Variants in PIK3R3 observed in about 807,000 individuals in gnomAD.
PIK3R3 encodes phosphoinositide-3-kinase regulatory subunit 3, also known as phosphatidylinositol 3-kinase regulatory subunit gamma.
In PIK3R3, 64 loss-of-function variants were observed where a neutral mutation model predicts 62.9. The ratio of observed to expected loss-of-function variants is 1.02; its 90% CI spans 0.83 to 1.25. The LOEUF is 1.25. PIK3R3 is among the 50% of genes most tolerant of loss of function. The pLI is 0.00. For missense variants in PIK3R3, 614 were observed against 561.6 expected, an observed-to-expected ratio of 1.09 and a Z score of -0.94; for synonymous variants, 165 against 189.0, an observed-to-expected ratio of 0.87 and a Z score of 1.04.
the PIK3R3 span, among the ~76,000 whole-genome samples, chr1:46,162,151 C>G: frequency 2.6e-4 from 38 of 145,142 alleles, no homozygotes; most frequent in African/African-American, 9.4e-4. Flanking sequence ...AAATTAGAAA[C>G]AATTTATACG....
intron 1 of PIK3R3, among the ~76,000 whole-genome samples, chr1:46,083,871 C>G (rs761459716): frequency 6.6e-6 from 1 of 152,144 alleles, no homozygotes; most frequent in Non-Finnish European, 1.5e-5. Context: ...AACAGTCTAA[C>G]CTCCTCAAAA....
intron 1 of PIK3R3, among the ~76,000 whole-genome samples, chr1:46,103,976 G>C (rs902836297): frequency 1.1e-4 from 17 of 149,040 alleles, no homozygotes; most frequent in African/African-American, 4.2e-4. Context: ...CCCAAGCTGG[G>C]GTGAAGTGAC....
chr1:46,095,765 T>C (rs1298372215), intron 1 of PIK3R3, among the ~76,000 whole-genome samples: 1 of 152,238 alleles, frequency 6.6e-6, no homozygotes, highest in Non-Finnish European at 1.5e-5. Context: ...TGATTCTCCC[T>C]CTATATCTCT....
At chr1:46,161,262 A>ATTTAT in the PIK3R3 span, among the ~76,000 whole-genome samples, 1 of 139,786 alleles carries the variant, frequency 7.2e-6, no homozygotes, top group African/African-American at 2.7e-5. Context: ...TACCTAGCTA[A>ATTTAT]TTTTTTTTTT....
the PIK3R3 span, among the ~76,000 whole-genome samples, chr1:46,162,018 G>A: frequency 1.3e-5 from 2 of 151,866 alleles, no homozygotes; most frequent in Admixed American, 6.6e-5. Flanking sequence ...TGTGAACCCG[G>A]GAGGCGGAGC....
the PIK3R3 span, among the ~76,000 whole-genome samples, chr1:46,144,754 G>A: frequency 5.1e-5 from 7 of 136,956 alleles, no homozygotes; most frequent in South Asian, 2.9e-4. Context: ...ATGACAGACC[G>A]AGACTCCATC....
chr1:46,104,955 CACTA>C, intron 1 of PIK3R3: 1 of 510,588 alleles, frequency 2.0e-6, no homozygotes, highest in Non-Finnish European at 3.6e-6. Context: ...AAAAAACACA[CACTA>C]AGTCATCTCC....
At chr1:46,095,648 A>G (rs1652049499) in intron 1 of PIK3R3, among the ~76,000 whole-genome samples, 1 of 152,166 alleles carries the variant, frequency 6.6e-6, no homozygotes, top group South Asian at 2.1e-4. Flanking sequence ...CTGCACATGT[A>G]CCCCTGAACT....
In PIK3R3 at chr1:46,042,925, T is replaced by C; in HGVS notation, c.*748A>G. The C allele has an allele frequency of 4.8e-6, 1 of 207,196 alleles. No individual in the cohort carries two copies. Among genetic ancestry groups the C allele is most frequent in the Non-Finnish European group, 9.9e-6 (1 of 101,172 alleles). The allele number at this position is 207,196 out of a possible 1,614,324, so 12.8% of individuals were successfully genotyped here. ...TTGCTAAAACTCACAAATTCTAGTC[T>C]TTTTATGTTCAAGTTTTGGTACAGA... On this transcript the variant is annotated 3_prime_UTR_variant, in exon 10 of 10. Coordinates refer to ENST00000262741, the MANE Select transcript of PIK3R3 (RefSeq NM_003629.4). This position sits in a 1 kb window ranked among gnomAD's most constrained non-coding sequence, Gnocchi z 4.3.
upstream of PIK3R3, among the ~76,000 whole-genome samples, chr1:46,136,527 T>G (rs1269669269): frequency 6.6e-6 from 1 of 152,184 alleles, no homozygotes; most frequent in East Asian, 1.9e-4. Context: ...TCTTAGCACT[T>G]GAATACCCAT....
At chr1:46,155,186 T>C in the PIK3R3 span, among the ~76,000 whole-genome samples, 2 of 151,966 alleles carry the variant, frequency 1.3e-5, no homozygotes, top group Non-Finnish European at 2.9e-5. Flanking sequence ...CTGTGGGTGG[T>C]GCCATGCACC....
the PIK3R3 span, among the ~76,000 whole-genome samples, chr1:46,142,719 G>A: frequency 3.0e-4 from 45 of 150,642 alleles, no homozygotes; most frequent in South Asian, 3.2e-3. Flanking sequence ...AAAAAGAAAA[G>A]AAAAAAAAAG....
At chr1:46,137,581 C>G (rs139547224), upstream of PIK3R3, among the ~76,000 whole-genome samples, 102 of 152,346 alleles carry the variant, frequency 6.7e-4, no homozygotes, top group African/African-American at 2.3e-3. Flanking sequence ...ACTCCTACTT[C>G]TCTGCATCTG....
At chr1:46,130,726 C>T (rs1655509910) in intron 1 of PIK3R3, among the ~76,000 whole-genome samples, 1 of 152,198 alleles carries the variant, frequency 6.6e-6, no homozygotes, top group Non-Finnish European at 1.5e-5. Flanking sequence ...CAATGACACA[C>T]ATTTTATTCT....
the PIK3R3 span, among the ~76,000 whole-genome samples, chr1:46,164,821 T>C: frequency 6.6e-6 from 1 of 151,882 alleles, no homozygotes; most frequent in East Asian, 1.9e-4. Context: ...AACATCCTTC[T>C]CTTCCTCCCC....
At chr1:46,045,800 G>C (rs186081183) in intron 9 of PIK3R3, 118 bp downstream of exon 9, 41 of 853,850 alleles carry the variant, frequency 4.8e-5, no homozygotes, top group Non-Finnish European at 7.3e-5. Flanking sequence ...GTTATGGTCC[G>C]AGCCATGGGT....
intron 2 of PIK3R3, 83 bp downstream of exon 2, chr1:46,080,559 C>G: frequency 1.1e-6 from 1 of 924,656 alleles, no homozygotes; most frequent in Non-Finnish European, 1.8e-6. Context: ...CCATGCCCAG[C>G]TTAAAATGGT....
At chr1:46,072,875 G>A (rs1649674197) in intron 3 of PIK3R3, among the ~76,000 whole-genome samples, 1 of 151,876 alleles carries the variant, frequency 6.6e-6, no homozygotes, top group East Asian at 1.9e-4. Context: ...GAGCCTCAAG[G>A]CTTCAGTGAG....
intron 1 of PIK3R3, among the ~76,000 whole-genome samples, chr1:46,106,357 TG>T (rs1163992235): frequency 6.6e-6 from 1 of 152,146 alleles, no homozygotes; most frequent in Non-Finnish European, 1.5e-5. Context: ...AGACCCACCT[TG>T]GCCTCCCAAA....
Sources: allele counts gnomAD v4.1 joint callset (sites outside exome capture counted in the v4.1 genomes callset), GRCh38; gene constraint gnomAD v4.1.1; non-coding constraint Gnocchi (gnomAD v3.1); transcripts MANE v1.5; gene names NCBI Gene and HGNC (gene_info 2026-07-23, HGNC 2026-07-21).